The following ASPM variants were observed in gnomAD, a reference collection of about 807,000 sequenced individuals.
ASPM encodes assembly factor for spindle microtubules.
Under a neutral mutation model 366.4 loss-of-function variants are expected in ASPM, and 256 were observed. The ratio of observed to expected loss-of-function variants is 0.70; its 90% CI spans 0.63 to 0.77. ASPM has a LOEUF of 0.77. ASPM is among the 30% of genes least tolerant of loss of function. The probability of loss-of-function intolerance (pLI) is 0.00; values close to 1 mark genes in which losing one functional copy is unlikely to be tolerated. For missense variants in ASPM, 4,146 were observed against 4,090.4 expected (o/e 1.01, Z -0.37); for synonymous variants, 1,414 against 1,342.9 (o/e 1.05, Z -1.16).
chr1:197,099,683 G>GCACATTTCTAGCACTTGA (rs1173810540), intron 18 of ASPM, among the ~76,000 whole-genome samples: 2 of 151,672 alleles, frequency 1.3e-5, no homozygotes, highest in East Asian at 3.9e-4. Context: ...ACAGCATTTG[G>GCACATTTCTAGCACTTGA]CACATTTCTA....
At chr1:197,125,326 A>C (rs777621722) in intron 10 of ASPM, 135 bp from the exon 11 acceptor site, 39 of 1,087,076 alleles carry the variant, frequency 3.6e-5, no homozygotes, top group Admixed American at 1.1e-4. Context: ...TCAAAAAACT[A>C]TCTCAAAACT....
chr1:197,095,847 C>T, intron 19 of ASPM, 151 bp downstream of exon 19: 4 of 722,136 alleles, frequency 5.5e-6, no homozygotes, highest in Non-Finnish European at 8.7e-6. Context: ...ATTTTGTTTC[C>T]TTAATAAAGA....
At chr1:197,120,731 G>C (rs1202573996) in intron 16 of ASPM, among the ~76,000 whole-genome samples, 1 of 152,076 alleles carries the variant, frequency 6.6e-6, no homozygotes, top group Admixed American at 6.6e-5. Flanking sequence ...GAAGCTTCTA[G>C]GGGAATTGCT....
intron 10 of ASPM, 100 bp from the exon 11 acceptor site, chr1:197,125,291 A>AATCC: frequency 7.1e-7 from 1 of 1,400,120 alleles, no homozygotes; most frequent in Non-Finnish European, 1.0e-6. Flanking sequence ...CCCAACAGTT[A>AATCC]CAGGGCTTTA....
At chr1:197,093,825 C>G (rs1415843533) in intron 20 of ASPM, among the ~76,000 whole-genome samples, 2 of 151,680 alleles carry the variant, frequency 1.3e-5, no homozygotes, top group Admixed American at 6.6e-5. Flanking sequence ...CTGCAAAGCA[C>G]CATAAAGCGA....
rs754870476 is a variant in ASPM at position 197,101,786 on chromosome 1, C to T, written c.7465G>A (p.Ala2489Thr). The change falls in exon 18 of 28, where the codon GCT becomes ACT. Residue 2489 changes from alanine (A) to threonine (T), a missense_variant. Around this residue, in one of 3 missense-constraint regions of ASPM, gnomAD observed 3,624 missense variants for 3,591.7 expected, o/e 1.01. Coordinates refer to ENST00000367409, the MANE Select transcript of ASPM (RefSeq NM_018136.5). ...EMQRAAVLIQ[A>T]TFRMYRTYIT... Reference sequence around the variant, plus strand: ...TATGTTCTGTACATCCTGAAAGTAGCCTGAATGAGAACTGCAGCCCTTTGC... The same window carrying T: ...TATGTTCTGTACATCCTGAAAGTAGTCTGAATGAGAACTGCAGCCCTTTGC... The T allele has an allele frequency of 6.2e-7, 1 of 1,612,664 alleles. No homozygotes were observed. Among genetic ancestry groups the T allele is most frequent in the Non-Finnish European group, 8.5e-7 (1 of 1,179,290 alleles).
intron 6 of ASPM, 104 bp from the exon 7 acceptor site, chr1:197,132,456 A>G (rs537710220): frequency 2.3e-6 from 2 of 856,148 alleles, no homozygotes; most frequent in East Asian, 5.4e-5. Flanking sequence ...ATACTTGCTT[A>G]TATGAAATAA....
chr1:197,102,399 A>G lies in ASPM; in HGVS notation c.6852T>C (p.Ser2284=), dbSNP rs1557946154. 3 of 1,612,752 alleles carry G rather than the reference A, an allele frequency of 1.9e-6. No homozygotes were observed. The highest frequency in any genetic ancestry group is 1.7e-5 in the Admixed American group (1 of 59,784). ...RTLMMRRRFL[S]LKKTAILIQR... Reference sequence around the variant, plus strand: ...GAATCAAAATAGCAGTTTTCTTGAGAGAGAGGAATCTTCTTCTCATCATTA... The same window carrying G: ...GAATCAAAATAGCAGTTTTCTTGAGGGAGAGGAATCTTCTTCTCATCATTA... Residue 2284 remains serine (S), a synonymous_variant, in exon 18 of 28, where the codon TCT becomes TCC. Coordinates refer to ENST00000367409, the MANE Select transcript of ASPM (RefSeq NM_018136.5).
In ASPM at chr1:197,104,439, C is replaced by T. The variant is rs1657333813; in HGVS notation, c.4812G>A (p.Lys1604=). ...RKHQQRQKYK[K]MKKAAVIIQT... is the part of the protein sequence containing the mutation. Reference sequence around the variant, plus strand: ...GAATTATAACAGCTGCTTTCTTCATCTTCTTATATTTCTGTCGTTGTTGAT... The same window carrying T: ...GAATTATAACAGCTGCTTTCTTCATTTTCTTATATTTCTGTCGTTGTTGAT... Residue 1604 remains lysine, a synonymous_variant, in exon 18 of 28, where the codon AAG becomes AAA. Transcript: ENST00000367409. 1 of 1,612,798 alleles carries T rather than the reference C, an allele frequency of 6.2e-7. No individual in the cohort carries two copies. Among genetic ancestry groups the T allele is most frequent in the Non-Finnish European group, 8.5e-7 (1 of 1,179,376 alleles).
At position 197,142,993 on chromosome 1, in the gene ASPM, G is replaced by C; in HGVS notation, c.1259C>G (p.Ser420Cys). The C allele has an allele frequency of 6.2e-7, 1 of 1,613,856 alleles. No individual in the cohort carries two copies. The highest frequency in any genetic ancestry group is 1.1e-5 in the South Asian group (1 of 91,072). The change falls in exon 3 of 28, where the codon TCT becomes TGT. Residue 420 changes from serine to cysteine, a missense_variant. Transcript: ENST00000367409. ...TCKVPLSNENSQVPQSPEDWR... is the reference protein window; with the variant it reads ...TCKVPLSNENCQVPQSPEDWR... Reference sequence around the variant, plus strand: ...ATCTTCAGGAGACTGTGGGACTTGAGAATTTTCATTTGATAATGGTACTTT... The same window carrying C: ...ATCTTCAGGAGACTGTGGGACTTGACAATTTTCATTTGATAATGGTACTTT...
rs150981054 is a variant in ASPM at position 197,102,929 on chromosome 1, T to C, written c.6322A>G (p.Arg2108Gly). 4.3e-6 allele frequency: 7 copies of C among 1,612,532 alleles called. No individual in the cohort carries two copies. The highest frequency in any genetic ancestry group is 5.9e-6 in the Non-Finnish European group (7 of 1,179,082). The change falls in exon 18 of 28, where the codon AGA becomes GGA. Residue 2108 changes from arginine (R) to glycine (G), a missense_variant. Physicochemically the swap from Arg to Gly is moderately radical, Grantham distance 125. Transcript: ENST00000367409. ...ATGTGTTGAATATGTCTTCTAACTC[T>C]AATACCTCTATAAACAGATTGGATT... ...IKIQSVYRGI[R>G]VRRHIQHMHR...
chr1:197,100,240 G>T (rs530562518), intron 18 of ASPM, among the ~76,000 whole-genome samples, 191 bp downstream of exon 18: 58 of 151,680 alleles, frequency 3.8e-4, no homozygotes, highest in Non-Finnish European at 8.0e-4. Context: ...AACAATCCCC[G>T]TTCTGTGCTG....
rs200934279 is a variant in ASPM at position 197,102,208 on chromosome 1, T to C, written c.7043A>G (p.His2348Arg). The change falls in exon 18 of 28, where the codon CAC (histidine) becomes CGC (arginine). Residue 2348 changes from histidine (H) to arginine (R), a missense_variant. Transcript: ENST00000367409. ...AGCCTGATATCTCATATGTAATCTGTGCATTCTGAAAGTAGACTGGATGAA... is the reference window on the plus strand; with the variant it reads ...AGCCTGATATCTCATATGTAATCTGCGCATTCTGAAAGTAGACTGGATGAA... The part of the protein sequence containing the change: ...ATFIQSTFRM[H>R]RLHMRYQALK... 3 of 1,612,798 alleles carry C rather than the reference T, an allele frequency of 1.9e-6. No individual in the cohort carries two copies. In the Admixed American group the frequency reaches 5.0e-5, roughly 27 times the overall value.
In ASPM at chr1:197,105,123, G is replaced by A. The variant is rs141198264; in HGVS notation, c.4128C>T (p.Ile1376=). 5 of 1,608,600 alleles carry A rather than the reference G, an allele frequency of 3.1e-6. No homozygotes were observed. Among genetic ancestry groups the A allele is most frequent in the Non-Finnish European group, 4.3e-6 (5 of 1,175,952 alleles). ...TTATCATTCTTATCCTAGATTGCAG[G>A]ATGATTGAATAATATTTCAATTTCA... ...RFLKLKYYSI[I]LQSRIRMIIA... The change falls in exon 18 of 28, where the codon ATC becomes ATT. Residue 1376 remains isoleucine, a synonymous_variant. Transcript: ENST00000367409.
Position 197,124,161 on chromosome 1 carries a change from T to C in ASPM, c.3339A>G (p.Ile1113Met), listed in dbSNP as rs1268749436. 1.2e-6 allele frequency: 2 copies of C among 1,612,832 alleles called. No individual in the cohort carries two copies. The highest frequency in any genetic ancestry group is 1.1e-5 in the South Asian group (1 of 90,858). The change falls in exon 13 of 28, where the codon ATA (isoleucine) becomes ATG (methionine). Residue 1113 changes from isoleucine to methionine, a missense_variant. This residue lies in a region of ASPM where 3,624 missense variants were observed against 3,591.7 expected (regional missense o/e 1.01). Coordinates refer to ENST00000367409, the MANE Select transcript of ASPM (RefSeq NM_018136.5). ...CATTTACCCAATCCATCAATAACTTTATGTTTTCACTATATTGTTCAAAGG... is the reference window on the plus strand; with the variant it reads ...CATTTACCCAATCCATCAATAACTTCATGTTTTCACTATATTGTTCAAAGG... ...SGSFEQYSEN[I>M]KLLMDWVNAV...
At chr1:197,131,892 C>T (rs17550411) in intron 7 of ASPM, among the ~76,000 whole-genome samples, 46,351 of 152,004 alleles carry the variant, frequency 0.3, 8,849 homozygotes, top group Middle Eastern at 0.45. Context: ...GCTTCTGTTT[C>T]GTTAGTGAAG....
intron 12 of ASPM, 81 bp from the exon 13 acceptor site, chr1:197,124,412 C>T (rs988074622): frequency 9.7e-7 from 1 of 1,026,634 alleles, no homozygotes; most frequent in Non-Finnish European, 1.5e-6. Flanking sequence ...AAGTAACTGT[C>T]TTCTATTTAG....
At chr1:197,115,350 A>G (rs923255979) in intron 17 of ASPM, among the ~76,000 whole-genome samples, 2 of 152,142 alleles carry the variant, frequency 1.3e-5, no homozygotes, top group African/African-American at 4.8e-5. Flanking sequence ...ACTTCCTCCA[A>G]CGAAATCTTT....
chr1:197,139,654 A>G, intron 4 of ASPM, 113 bp downstream of exon 4: 1 of 896,618 alleles, frequency 1.1e-6, no homozygotes, highest in Non-Finnish European at 1.9e-6. Flanking sequence ...CACTTTAACA[A>G]TTCTTCCAGG....
Sources: allele counts gnomAD v4.1 joint callset (sites outside exome capture counted in the v4.1 genomes callset), GRCh38; gene constraint gnomAD v4.1.1; regional missense constraint gnomAD v4.1.1; transcripts MANE v1.5; gene names NCBI Gene and HGNC (gene_info 2026-07-23, HGNC 2026-07-21).